KIF23: variants seen among roughly 807,000 people sequenced by gnomAD.
KIF23 encodes the protein kinesin family member 23, also known as kinesin-like protein KIF23.
KIF23 carries 30 observed loss-of-function variants against 137.5 expected under a neutral mutation model. The observed-to-expected ratio is 0.22, with a 90% confidence interval of 0.16 to 0.30. The LOEUF (loss-of-function observed/expected upper bound fraction) is 0.30, where lower values mean the gene tolerates loss of function less well. KIF23 is among the 10% of genes least tolerant of loss of function. The pLI, the probability that KIF23 is intolerant of heterozygous loss-of-function variation, is 1.00. For missense variants in KIF23, 920 were observed against 1,194.3 expected (o/e 0.77, Z 3.38); for synonymous variants, 367 against 391.1 (o/e 0.94, Z 0.73).
At position 69,444,736 on chromosome 15, in the gene KIF23, G is replaced by T; in HGVS notation, c.2422-54G>T. Reference sequence around the variant, plus strand: ...GTCATCAACTAATGTAGCCAAACCTGCTGCACTTCTAATAATACCCTTAAA... The same window carrying T: ...GTCATCAACTAATGTAGCCAAACCTTCTGCACTTCTAATAATACCCTTAAA... On this transcript the variant is annotated intron_variant, in intron 19 of 23. Coordinates refer to ENST00000679126, the MANE Select transcript of KIF23 (RefSeq NM_001367805.3). The surrounding 1 kb of genome is among the most constrained non-coding windows in gnomAD (Gnocchi z 4.2). 2.5e-6 allele frequency: 4 copies of T among 1,575,920 alleles called. No homozygotes were observed. The highest frequency in any genetic ancestry group is 3.5e-6 in the Non-Finnish European group (4 of 1,156,372).
chr15:69,440,287 A>G (rs192591366), intron 17 of KIF23, 21 bp from the exon 18 acceptor site: 2 of 1,602,454 alleles, frequency 1.2e-6, no homozygotes, highest in Admixed American at 3.4e-5. Flanking sequence ...GATAATATAC[A>G]TTGCCACTGA....
At chr15:69,414,688 C>A in intron 1 of KIF23, 3 of 448,896 alleles carry the variant, frequency 6.7e-6, no homozygotes, top group Non-Finnish European at 1.1e-5. Flanking sequence ...CCGCGTCGCC[C>A]CCCGCCGCCC....
At position 69,440,828 on chromosome 15, in the gene KIF23, C is replaced by T. The variant is rs1338364594; in HGVS notation, c.2170C>T (p.Leu724=). Residue 724 remains leucine (L), a synonymous_variant, in exon 19 of 24, where the codon CTA becomes TTA. Transcript: ENST00000679126. ...NGQQLMSQPQ[L]HRRSNSCSSI... ...CCAGCAACTCATGAGCCAGCCACAG[C>T]TACATAGGCGCTCTAACTCTTGCAG... The T allele has an allele frequency of 6.2e-7, 1 of 1,613,670 alleles. No individual in the cohort carries two copies. Among genetic ancestry groups the T allele is most frequent in the Admixed American group, 1.7e-5 (1 of 60,034 alleles).
intron 11 of KIF23, among the ~76,000 whole-genome samples, chr15:69,433,310 A>G (rs1567069850): frequency 6.6e-6 from 1 of 152,246 alleles, no homozygotes; most frequent in Non-Finnish European, 1.5e-5. Flanking sequence ...TCAAGGTTTC[A>G]AAATGAACTC....
chr15:69,445,949 A>T, intron 20 of KIF23, 60 bp from the exon 21 acceptor site: 1 of 1,113,490 alleles, frequency 9.0e-7, no homozygotes, highest in Non-Finnish European at 1.4e-6. Context: ...TGAAATATAT[A>T]TGTGTGTTTT....
chr15:69,445,915 TA>T, intron 20 of KIF23, 93 bp from the exon 21 acceptor site: 1 of 916,420 alleles, frequency 1.1e-6, no homozygotes, highest in Non-Finnish European at 1.7e-6. Flanking sequence ...GGAATTTCTA[TA>T]AAATAGAATC....
In KIF23 at chr15:69,444,729, C is replaced by T; in HGVS notation, c.2422-61C>T. ...TGATACTGTCATCAACTAATGTAGC[C>T]AAACCTGCTGCACTTCTAATAATAC... On this transcript the variant is annotated intron_variant, in intron 19 of 23. Coordinates refer to ENST00000679126, the MANE Select transcript of KIF23 (RefSeq NM_001367805.3). This position sits in a 1 kb window ranked among gnomAD's most constrained non-coding sequence, Gnocchi z 4.2. 6.4e-7 allele frequency: 1 copy of T among 1,556,968 alleles called. No individual in the cohort carries two copies. The highest frequency in any genetic ancestry group is 8.7e-7 in the Non-Finnish European group (1 of 1,144,198).
Position 69,446,109 on chromosome 15 carries a change from A to C in KIF23, c.2756+18A>C. 6.2e-7 allele frequency: 1 copy of C among 1,602,264 alleles called. No homozygotes were observed. The highest frequency in any genetic ancestry group is 8.6e-7 in the Non-Finnish European group (1 of 1,169,376). On this transcript the variant is annotated intron_variant, in intron 21 of 23. Coordinates refer to ENST00000679126, the MANE Select transcript of KIF23 (RefSeq NM_001367805.3). ...CCAAATGGGTAAGTAACCATCAAAA[A>C]TCTCTGTATAAAAGTTGGTCATTTT...
intron 20 of KIF23, 152 bp downstream of exon 20, chr15:69,445,193 C>T: frequency 5.2e-6 from 4 of 762,524 alleles, no homozygotes; most frequent in Non-Finnish European, 8.2e-6. Context: ...GAAAATTAGT[C>T]ACTGCTTAGG....
At chr15:69,423,038 A>G (rs2057098541) in intron 6 of KIF23, 121 bp from the exon 7 acceptor site, 1 of 657,280 alleles carries the variant, frequency 1.5e-6, no homozygotes, top group Non-Finnish European at 2.7e-6. Context: ...ATCTCAGGTG[A>G]TCCGCCTGCC....
At chr15:69,419,460 G>A (rs1036844892) in intron 3 of KIF23, among the ~76,000 whole-genome samples, 3 of 152,146 alleles carry the variant, frequency 2.0e-5, no homozygotes, top group African/African-American at 7.2e-5. Flanking sequence ...TCTTGGATAA[G>A]GCAGAATCCT....
At chr15:69,435,436 A>G in intron 11 of KIF23, 47 bp from the exon 12 acceptor site, 3 of 1,421,042 alleles carry the variant, frequency 2.1e-6, no homozygotes, top group East Asian at 2.3e-5. Flanking sequence ...CACTTTAGCT[A>G]CTATACTGTT....
intron 11 of KIF23, among the ~76,000 whole-genome samples, chr15:69,433,190 G>A (rs745610470): frequency 6.6e-6 from 1 of 152,198 alleles, no homozygotes; most frequent in Non-Finnish European, 1.5e-5. Context: ...CGTAAATCAT[G>A]AATCATGGAA....
chr15:69,421,778 T>A (rs754657140), intron 4 of KIF23, 26 bp downstream of exon 4: 1 of 1,522,520 alleles, frequency 6.6e-7, no homozygotes, highest in South Asian at 1.2e-5. Context: ...TGGAGTTTTG[T>A]TAGATTTTCC....
At position 69,422,447 on chromosome 15, in the gene KIF23, T is replaced by C. The variant is rs375777202; in HGVS notation, c.563+12T>C. On this transcript the variant is annotated intron_variant, in intron 6 of 23. Transcript: ENST00000679126. ...ACTTCTTCTAGCAAGTAAGTAATTATATTTGTCTGCAGCACTGGCCTAGGG... is the reference window on the plus strand; with the variant it reads ...ACTTCTTCTAGCAAGTAAGTAATTACATTTGTCTGCAGCACTGGCCTAGGG... 6 of 1,475,048 alleles carry C rather than the reference T, an allele frequency of 4.1e-6. No individual in the cohort carries two copies. Among genetic ancestry groups the C allele is most frequent in the South Asian group, 2.3e-5 (2 of 88,138 alleles). 91.4% of individuals were successfully genotyped at this position (1,475,048 alleles called of 1,614,324 possible). A position where few individuals can be genotyped will look rare whatever the true frequency, so the allele number is the denominator to read the frequency against.
At chr15:69,441,804 T>G (rs1374756428) in intron 19 of KIF23, among the ~76,000 whole-genome samples, 1 of 151,990 alleles carries the variant, frequency 6.6e-6, no homozygotes, top group Non-Finnish European at 1.5e-5. Context: ...AGTCTCACTC[T>G]GTCACCCAGG....
chr15:69,441,910 CG>C (rs1241954917), intron 19 of KIF23, among the ~76,000 whole-genome samples: 2 of 151,874 alleles, frequency 1.3e-5, no homozygotes, highest in African/African-American at 4.8e-5. Context: ...GCTGAGATTA[CG>C]GGCAGGCCAC....
At chr15:69,437,949 C>A (rs1383889701) in intron 15 of KIF23, among the ~76,000 whole-genome samples, 3 of 152,122 alleles carry the variant, frequency 2.0e-5, no homozygotes, top group Non-Finnish European at 2.9e-5. Context: ...AGTGTTGTTT[C>A]TATTTTTGCG....
Position 69,417,366 on chromosome 15 carries a change from C to A in KIF23, c.82-17C>A. On this transcript the variant is annotated splice_polypyrimidine_tract_variant and intron_variant, in intron 2 of 23. Transcript: ENST00000679126. ...AAGGTCGAACTTTCTTCTTAAAGCACCTTCCTATTTCTTCAGGTATACTGT... is the reference window on the plus strand; with the variant it reads ...AAGGTCGAACTTTCTTCTTAAAGCAACTTCCTATTTCTTCAGGTATACTGT... 3 of 1,547,672 alleles carry A rather than the reference C, an allele frequency of 1.9e-6. No homozygotes were observed. Among genetic ancestry groups the A allele is most frequent in the Non-Finnish European group, 2.6e-6 (3 of 1,148,706 alleles).
Sources: allele counts gnomAD v4.1 joint callset (sites outside exome capture counted in the v4.1 genomes callset), GRCh38; gene constraint gnomAD v4.1.1; non-coding constraint Gnocchi (gnomAD v3.1); transcripts MANE v1.5; gene names NCBI Gene and HGNC (gene_info 2026-07-23, HGNC 2026-07-21).